Variants in LPP observed in about 807,000 individuals in gnomAD.
LPP encodes the protein lipoma-preferred partner.
Under a neutral mutation model 60.4 loss-of-function variants are expected in LPP, and 38 were observed. That is an observed-to-expected ratio of 0.63 (90% confidence interval 0.49 to 0.83). LPP has a LOEUF of 0.83. Among genes scored for constraint, LPP ranks in the 40% least tolerant of loss-of-function variants. The probability of loss-of-function intolerance (pLI) is 0.00; values close to 1 mark genes in which losing one functional copy is unlikely to be tolerated. For synonymous variants in LPP, 328 were observed against 290.8 expected, an observed-to-expected ratio of 1.13 and a Z score of -1.30; for missense variants, 902 against 783.6, an observed-to-expected ratio of 1.15 and a Z score of -1.80.
chr3:188,378,507 C>T (rs541499967), intron 3 of LPP, among the ~76,000 whole-genome samples: 25 of 152,308 alleles, frequency 1.6e-4, no homozygotes, highest in Admixed American at 2.0e-4. Flanking sequence ...TAGGACCCTC[C>T]GAGCCAGGTG....
At chr3:188,339,443 G>T (rs1486304951) in intron 2 of LPP, among the ~76,000 whole-genome samples, 2 of 152,158 alleles carry the variant, frequency 1.3e-5, no homozygotes, top group Non-Finnish European at 2.9e-5. Context: ...ATAAAGAACT[G>T]CCAGAGACCA....
Position 188,501,641 on chromosome 3 carries a change from C to T in LPP, c.306+16937C>T, listed in dbSNP as rs193173898. On this transcript the variant is annotated intron_variant, in intron 5 of 11. Coordinates refer to ENST00000617246, the MANE Select transcript of LPP (RefSeq NM_001375462.1). ...GCGGGCACCTGTAGTCCCAGCTAAT[C>T]GGGAGGCTGAGGCAGGAGAATGGCC... Among the ~76,000 whole-genome samples the T allele has an allele frequency of 2.0e-3, 306 of 152,102 alleles. 5 individuals are homozygous for T. The highest frequency in any genetic ancestry group is 6.9e-3 in the African/African-American group (285 of 41,498).
intron 3 of LPP, among the ~76,000 whole-genome samples, chr3:188,377,584 G>A (rs901684078): frequency 1.3e-5 from 2 of 152,032 alleles, no homozygotes; most frequent in Non-Finnish European, 2.9e-5. Context: ...TCTCTGCATT[G>A]GTTATTCTAG....
intron 10 of LPP, 85 bp from the exon 11 acceptor site, chr3:188,872,558 C>CA (rs1768391586): frequency 1.3e-6 from 2 of 1,495,618 alleles, no homozygotes; most frequent in Admixed American, 1.7e-5. Flanking sequence ...TACCGACTCT[C>CA]AGTTTCCACC....
chr3:188,289,642 T>C (rs562889970), intron 2 of LPP, among the ~76,000 whole-genome samples: 1 of 152,250 alleles, frequency 6.6e-6, no homozygotes, highest in African/African-American at 2.4e-5. Flanking sequence ...TAAACACATG[T>C]TTTTTTCATG....
chr3:188,368,719 C>CACACAG (rs1257085181), intron 3 of LPP, among the ~76,000 whole-genome samples: 173 of 99,648 alleles, frequency 1.7e-3, no homozygotes, highest in Middle Eastern at 6.6e-3. Flanking sequence ...CACACACACA[C>CACACAG]AGAGAGAGAG....
chr3:188,746,104 A>G lies in LPP; in HGVS notation c.1241-14009A>G, dbSNP rs541649737. On this transcript the variant is annotated intron_variant, in intron 8 of 11. Transcript: ENST00000617246. ...AGACACCATCACTCCGAGTTGTACCACTTGCACCAGGCTAAATTATTCCTC... is the reference window on the plus strand; with the variant it reads ...AGACACCATCACTCCGAGTTGTACCGCTTGCACCAGGCTAAATTATTCCTC... Among the ~76,000 whole-genome samples, 8 of 152,190 alleles carry G rather than the reference A, an allele frequency of 5.3e-5. No homozygotes were observed. The South Asian group carries it at 1.7e-3, about 32-fold the overall frequency.
At chr3:188,740,054 T>G (rs1451932509) in intron 8 of LPP, among the ~76,000 whole-genome samples, 1 of 152,038 alleles carries the variant, frequency 6.6e-6, no homozygotes, top group East Asian at 1.9e-4. Context: ...AAATCACCAG[T>G]AGTGTTATCC....
At chr3:188,527,493 T>C (rs919450253) in intron 6 of LPP, among the ~76,000 whole-genome samples, 1 of 152,018 alleles carries the variant, frequency 6.6e-6, no homozygotes, top group Non-Finnish European at 1.5e-5. Context: ...ATCAGGGAAA[T>C]CTAAAATTCA....
intron 6 of LPP, among the ~76,000 whole-genome samples, chr3:188,597,600 A>G (rs947784527): frequency 2.6e-5 from 4 of 152,152 alleles, no homozygotes; most frequent in Non-Finnish European, 4.4e-5. Flanking sequence ...AAACTAACTC[A>G]GAACTTTTAA....
chr3:188,805,537 A>G (rs544463404), intron 9 of LPP, among the ~76,000 whole-genome samples: 1 of 151,486 alleles, frequency 6.6e-6, no homozygotes, highest in East Asian at 1.9e-4. Flanking sequence ...TTTTTTTCAC[A>G]AAAGAATTAG....
At chr3:188,866,574 G>A (rs779134923) in intron 10 of LPP, among the ~76,000 whole-genome samples, 196 bp downstream of exon 10, 1 of 152,078 alleles carries the variant, frequency 6.6e-6, no homozygotes, top group Admixed American at 6.6e-5. Flanking sequence ...CATCCAGCCT[G>A]GTCTCTGTGT....
intron 4 of LPP, among the ~76,000 whole-genome samples, chr3:188,457,736 A>AG (rs200828865): frequency 4.3e-5 from 2 of 46,676 alleles, no homozygotes; most frequent in South Asian, 9.9e-4. Context: ...ACTAAAAAAA[A>AG]AAAATATATA....
At position 188,880,673 on chromosome 3, in the gene LPP, C is replaced by T. The variant is rs1220290670; in HGVS notation, c.*6194C>T. Reference sequence around the variant, plus strand: ...TTAACTCTGGTGGGCATTTATGTAACATACCCAAATAAAAACGTTATTAAA... The same window carrying T: ...TTAACTCTGGTGGGCATTTATGTAATATACCCAAATAAAAACGTTATTAAA... On this transcript the variant is annotated 3_prime_UTR_variant, in exon 12 of 12. Transcript: ENST00000617246. 5.4e-6 allele frequency: 1 copy of T among 186,426 alleles called. No homozygotes were observed. The highest frequency in any genetic ancestry group is 1.1e-5 in the Non-Finnish European group (1 of 88,200). 11.5% of individuals were successfully genotyped at this position (186,426 alleles called of 1,614,324 possible). A position where few individuals can be genotyped will look rare whatever the true frequency, so the allele number is the denominator to read the frequency against.
chr3:188,189,828 G>C (rs1050359922), intron 1 of LPP, among the ~76,000 whole-genome samples: 9 of 152,056 alleles, frequency 5.9e-5, no homozygotes, highest in Non-Finnish European at 1.2e-4. Context: ...GTGAAAGAGG[G>C]GGGTGCTGAC....
rs776112199 is a variant in LPP at position 188,609,343 on chromosome 3, G to A, written c.612G>A (p.Gln204=). ...TCGGAACACTCAAACCCCAGCCTCA[G>A]CCAGTCCCAGCCTCCTACACCACGG... ...APIGTLKPQP[Q]PVPASYTTAS... Residue 204 remains glutamine, a synonymous_variant, in exon 7 of 12, where the codon CAG becomes CAA. Transcript: ENST00000617246. This position sits in a 1 kb window ranked among gnomAD's most constrained non-coding sequence, Gnocchi z 6.9. 3.1e-6 allele frequency: 5 copies of A among 1,614,086 alleles called. No individual in the cohort carries two copies. Among genetic ancestry groups the A allele is most frequent in the African/African-American group, 1.3e-5 (1 of 75,022 alleles).
At position 188,427,816 on chromosome 3, in the gene LPP, A is replaced by C. The variant is rs529209705; in HGVS notation, c.193+21503A>C. Reference sequence around the variant, plus strand: ...TCAGACTGCTGTGCTGGCAGTGAGAATCTCAAGCCAGTGGATCTTAGCTTG... The same window carrying C: ...TCAGACTGCTGTGCTGGCAGTGAGACTCTCAAGCCAGTGGATCTTAGCTTG... On this transcript the variant is annotated intron_variant, in intron 4 of 11. Coordinates refer to ENST00000617246, the MANE Select transcript of LPP (RefSeq NM_001375462.1). Among the ~76,000 whole-genome samples the C allele has an allele frequency of 5.1e-4, 78 of 152,238 alleles. No individual in the cohort carries two copies. The Middle Eastern group carries it at 0.017, about 33-fold the overall frequency.
In LPP at chr3:188,801,976, G is replaced by A. The variant is rs183465326; in HGVS notation, c.1410+41694G>A. 4.3e-4 allele frequency among the ~76,000 whole-genome samples: 66 copies of A among 152,184 alleles called. 1 individual carries two copies. Among genetic ancestry groups the A allele is most frequent in the African/African-American group, 1.5e-3 (61 of 41,514 alleles). On this transcript the variant is annotated intron_variant, in intron 9 of 11. Coordinates refer to ENST00000617246, the MANE Select transcript of LPP (RefSeq NM_001375462.1). ...TGTGTTTTGATTTTAGCATATTCCC[G>A]TATCATGTAGACCAGTGTTAATATT...
chr3:188,319,241 C>T (rs1207312220), intron 2 of LPP, among the ~76,000 whole-genome samples: 1 of 152,110 alleles, frequency 6.6e-6, no homozygotes, highest in African/African-American at 2.4e-5. Flanking sequence ...TAAAACAGGG[C>T]CAGAATAGTC....
Sources: allele counts gnomAD v4.1 joint callset (sites outside exome capture counted in the v4.1 genomes callset), GRCh38; gene constraint gnomAD v4.1.1; non-coding constraint Gnocchi (gnomAD v3.1); transcripts MANE v1.5; gene names NCBI Gene and HGNC (gene_info 2026-07-23, HGNC 2026-07-21).